The following ST7 variants were observed in gnomAD, a reference collection of about 807,000 sequenced individuals.
ST7 encodes the protein suppressor of tumorigenicity 7 protein.
In ST7, 28 loss-of-function variants were observed where a neutral mutation model predicts 78.7. That is an observed-to-expected ratio of 0.36 (90% confidence interval 0.26 to 0.49). The LOEUF (loss-of-function observed/expected upper bound fraction) is 0.49, where lower values mean the gene tolerates loss of function less well. Among genes scored for constraint, ST7 ranks in the 20% least tolerant of loss-of-function variants. The probability of loss-of-function intolerance (pLI) is 0.99; values close to 1 mark genes in which losing one functional copy is unlikely to be tolerated. For missense variants in ST7, 418 were observed against 696.0 expected (o/e 0.60, Z 4.49); for synonymous variants, 247 against 249.6 (o/e 0.99, Z 0.10).
At chr7:117,151,269 C>A (rs1806226753) in intron 9 of ST7, among the ~76,000 whole-genome samples, 1 of 152,240 alleles carries the variant, frequency 6.6e-6, no homozygotes, top group Non-Finnish European at 1.5e-5. Context: ...CGAGGCCTCA[C>A]ATGATCTTGT....
chr7:117,169,790 C>T (rs988409198), intron 9 of ST7, among the ~76,000 whole-genome samples: 11 of 150,158 alleles, frequency 7.3e-5, no homozygotes, highest in Non-Finnish European at 1.3e-4. Context: ...GCCCTCAAGA[C>T]AGCCTTAGCA....
chr7:117,030,997 T>C (rs979654894), intron 1 of ST7, among the ~76,000 whole-genome samples: 1 of 152,120 alleles, frequency 6.6e-6, no homozygotes, highest in African/African-American at 2.4e-5. Context: ...CATGGAATAC[T>C]ATACAGCCAT....
chr7:117,040,107 C>T (rs1254873140), intron 1 of ST7, among the ~76,000 whole-genome samples: 1 of 152,126 alleles, frequency 6.6e-6, no homozygotes, highest in Non-Finnish European at 1.5e-5. Flanking sequence ...GGCTCGGTGG[C>T]TCACGCCTGT....
intron 2 of ST7, among the ~76,000 whole-genome samples, chr7:117,106,050 C>T (rs1240485881): frequency 1.3e-5 from 2 of 152,010 alleles, no homozygotes; most frequent in South Asian, 2.1e-4. Context: ...AGACTGCGGA[C>T]TGCAGTGGCG....
chr7:117,055,964 A>G (rs569596412), intron 1 of ST7, among the ~76,000 whole-genome samples: 1 of 152,196 alleles, frequency 6.6e-6, no homozygotes, highest in Admixed American at 6.5e-5. Flanking sequence ...AAGAACTTGG[A>G]GTCCAATATT....
At chr7:117,035,440 G>C (rs1288123979) in intron 1 of ST7, among the ~76,000 whole-genome samples, 1 of 152,016 alleles carries the variant, frequency 6.6e-6, no homozygotes, top group Non-Finnish European at 1.5e-5. Context: ...ATTTTTTTGA[G>C]GGGTGGCAGA....
chr7:117,164,794 T>A (rs1391892778), intron 9 of ST7, among the ~76,000 whole-genome samples: 1 of 142,206 alleles, frequency 7.0e-6, no homozygotes, highest in Non-Finnish European at 1.5e-5. Context: ...GTTTGAATCA[T>A]AATCCCAGCA....
chr7:117,123,416 C>G (rs1011429875), intron 3 of ST7, among the ~76,000 whole-genome samples: 2 of 152,060 alleles, frequency 1.3e-5, no homozygotes, highest in Non-Finnish European at 2.9e-5. Context: ...ACAAAGTGGC[C>G]TGAATGCAGA....
chr7:117,165,977 AT>A (rs1291190536), intron 9 of ST7, among the ~76,000 whole-genome samples: 1 of 152,200 alleles, frequency 6.6e-6, no homozygotes, highest in East Asian at 1.9e-4. Flanking sequence ...TACGTTTGCC[AT>A]GCTAAGCATT....
chr7:117,200,834 T>TAAA lies in ST7; in HGVS notation c.1255-8945_1255-8943dup, dbSNP rs1196054887. Among the ~76,000 whole-genome samples the TAAA allele has an allele frequency of 7.5e-3, 1,079 of 144,430 alleles. 4 individuals are homozygous for TAAA. Among genetic ancestry groups the TAAA allele is most frequent in the African/African-American group, 9.3e-3 (357 of 38,424 alleles). The allele number at this position is 144,430 out of a possible 152,430, so 94.8% of individuals were successfully genotyped here. A position where few individuals can be genotyped will look rare whatever the true frequency, so the allele number is the denominator to read the frequency against. The stretch of plus-strand genomic sequence containing the variant: ...AAATGTACTCTTTTTTTTTTTTTTT[T>TAAA]AAAAAAAAAAGAAAGCTCATCTAAT... On this transcript the variant is annotated intron_variant, in intron 12 of 15. Transcript: ENST00000323984.
At chr7:117,063,198 A>G (rs1189282985) in intron 1 of ST7, among the ~76,000 whole-genome samples, 1 of 152,218 alleles carries the variant, frequency 6.6e-6, no homozygotes, top group East Asian at 1.9e-4. Context: ...TTGAGGTCCT[A>G]GACAGAATTA....
intron 9 of ST7, among the ~76,000 whole-genome samples, chr7:117,168,072 G>T (rs1028688275): frequency 6.6e-6 from 1 of 152,158 alleles, no homozygotes; most frequent in Non-Finnish European, 1.5e-5. Context: ...ATTAAATTAG[G>T]AAAGCTAGAT....
chr7:117,006,966 T>C (rs759210677), intron 1 of ST7, among the ~76,000 whole-genome samples: 4 of 152,200 alleles, frequency 2.6e-5, no homozygotes, highest in Admixed American at 2.6e-4. Context: ...TCCATTGACC[T>C]ACCCTTCTCT....
intron 15 of ST7, chr7:117,223,800 T>G: frequency 5.8e-5 from 12 of 208,660 alleles, no homozygotes; most frequent in South Asian, 1.7e-4. Context: ...ATTTAGAATG[T>G]GAGCTCCTTG....
At chr7:117,038,606 T>C (rs972570353) in intron 1 of ST7, among the ~76,000 whole-genome samples, 2 of 152,218 alleles carry the variant, frequency 1.3e-5, no homozygotes, top group African/African-American at 4.8e-5. Flanking sequence ...TGAGACAGCA[T>C]ATGTAAATAT....
chr7:116,956,800 A>G, intron 1 of ST7: 1 of 369,342 alleles, frequency 2.7e-6, no homozygotes, highest in South Asian at 2.1e-5. Context: ...GATAAGAAAG[A>G]TGAATGAGTT....
At chr7:117,044,304 A>G (rs998364481) in intron 1 of ST7, among the ~76,000 whole-genome samples, 1 of 152,244 alleles carries the variant, frequency 6.6e-6, no homozygotes, top group Admixed American at 6.5e-5. Flanking sequence ...TGATAAAGTC[A>G]GCATCATTTG....
intron 1 of ST7, chr7:116,972,263 T>C (rs769797855): frequency 3.6e-6 from 2 of 549,852 alleles, no homozygotes; most frequent in Non-Finnish European, 3.4e-6. Context: ...AGGTCTTCAA[T>C]TGTATTTTCC....
chr7:117,089,555 G>T (rs1334297101), intron 1 of ST7, among the ~76,000 whole-genome samples: 2 of 150,876 alleles, frequency 1.3e-5, no homozygotes, highest in Non-Finnish European at 3.0e-5. Flanking sequence ...CACTTCAACA[G>T]TTTGTTTTTT....
Sources: allele counts gnomAD v4.1 joint callset (sites outside exome capture counted in the v4.1 genomes callset), GRCh38; gene constraint gnomAD v4.1.1; transcripts MANE v1.5; gene names NCBI Gene and HGNC (gene_info 2026-07-23, HGNC 2026-07-21).